The following ULK4 variants were observed in gnomAD, a reference collection of about 807,000 sequenced individuals.
ULK4 encodes the protein unc-51 like kinase 4, also known as inactive serine/threonine-protein kinase ULK4.
In ULK4, 133 loss-of-function variants were observed where a neutral mutation model predicts 160.6. The ratio of observed to expected loss-of-function variants is 0.83; its 90% confidence interval spans 0.72 to 0.96. ULK4 has a LOEUF of 0.96. Among genes scored for constraint, ULK4 ranks in the 40% least tolerant of loss-of-function variants. The pLI is 0.00. For synonymous variants in ULK4, 534 were observed against 539.8 expected (o/e 0.99, Z 0.15); for missense variants, 1,580 against 1,499.5 (o/e 1.05, Z -0.89).
chr3:41,902,678 G>GA (rs141675414), intron 12 of ULK4, among the ~76,000 whole-genome samples: 19,132 of 145,066 alleles, frequency 0.13, 1,383 homozygotes, highest in Middle Eastern at 0.28. Context: ...TTCAATTAAA[G>GA]AAAAAAAAAG....
chr3:41,391,229 T>C (rs907108921), intron 35 of ULK4, among the ~76,000 whole-genome samples: 1 of 151,966 alleles, frequency 6.6e-6, no homozygotes, highest in African/African-American at 2.4e-5. Flanking sequence ...TACAAATGAG[T>C]GTGTATGGAT....
At chr3:41,626,669 C>T (rs1234137139) in intron 30 of ULK4, among the ~76,000 whole-genome samples, 7 of 151,948 alleles carry the variant, frequency 4.6e-5, no homozygotes, top group East Asian at 1.9e-4. Flanking sequence ...GGACTACAGG[C>T]GCCCGCCACC....
chr3:41,680,208 T>C (rs1053082304), intron 29 of ULK4, among the ~76,000 whole-genome samples: 4 of 152,316 alleles, frequency 2.6e-5, no homozygotes, highest in Admixed American at 2.6e-4. Flanking sequence ...CACTCATATA[T>C]AACAAATGTA....
intron 2 of ULK4, among the ~76,000 whole-genome samples, chr3:41,948,022 C>T (rs146345684): frequency 7.7e-4 from 117 of 152,302 alleles, no homozygotes; most frequent in Middle Eastern, 3.4e-3. Flanking sequence ...CTGCCCTCAT[C>T]CTTCTTTCCC....
intron 31 of ULK4, among the ~76,000 whole-genome samples, chr3:41,591,949 G>A (rs1439621352): frequency 6.6e-6 from 1 of 152,214 alleles, no homozygotes; most frequent in Non-Finnish European, 1.5e-5. Context: ...ATGACGGATG[G>A]CAGGCAGGAT....
intron 32 of ULK4, among the ~76,000 whole-genome samples, chr3:41,559,419 T>C (rs1391157182): frequency 6.7e-6 from 1 of 148,506 alleles, no homozygotes; most frequent in East Asian, 2.0e-4. Context: ...TCAAATGGTA[T>C]TTCTAGTTCT....
intron 30 of ULK4, among the ~76,000 whole-genome samples, chr3:41,642,611 C>G (rs2034269587): frequency 6.6e-6 from 1 of 152,172 alleles, no homozygotes; most frequent in Admixed American, 6.5e-5. Context: ...TGGATCAGTT[C>G]TAAGTCTTCG....
At chr3:41,933,787 C>G (rs1418481833) in intron 4 of ULK4, among the ~76,000 whole-genome samples, 4 of 151,928 alleles carry the variant, frequency 2.6e-5, no homozygotes, top group Non-Finnish European at 5.9e-5. Context: ...TGGTGGCTCA[C>G]GCCTGTAATC....
At chr3:41,911,094 GTTGGT>G (rs940543823) in intron 11 of ULK4, among the ~76,000 whole-genome samples, 42 of 152,272 alleles carry the variant, frequency 2.8e-4, no homozygotes, top group African/African-American at 1.0e-3. Context: ...AAAAAAATAA[GTTGGT>G]TTGGTTAAAA....
At chr3:41,605,313 T>C (rs1474806502) in intron 31 of ULK4, among the ~76,000 whole-genome samples, 1 of 151,866 alleles carries the variant, frequency 6.6e-6, no homozygotes, top group African/African-American at 2.4e-5. Context: ...AAGACTAATA[T>C]TATTAGATTG....
intron 32 of ULK4, among the ~76,000 whole-genome samples, chr3:41,554,528 G>A (rs1398779625): frequency 6.6e-6 from 1 of 152,134 alleles, no homozygotes; most frequent in Non-Finnish European, 1.5e-5. Context: ...TAGAAAGTAG[G>A]ATGATAGTTA....
chr3:41,587,680 T>G (rs2030929850), intron 31 of ULK4, among the ~76,000 whole-genome samples: 1 of 152,168 alleles, frequency 6.6e-6, no homozygotes, highest in Non-Finnish European at 1.5e-5. Context: ...TAAATACTAT[T>G]TATCTTGGTA....
At chr3:41,715,613 A>G in intron 23 of ULK4, 45 bp from the exon 24 acceptor site, 1 of 1,612,062 alleles carries the variant, frequency 6.2e-7, no homozygotes, top group African/African-American at 1.3e-5. Context: ...AAAAACCACA[A>G]ATACTTAGGA....
At chr3:41,817,066 C>CTGTGTGTGTG (rs55996693) in intron 19 of ULK4, among the ~76,000 whole-genome samples, 72 of 148,878 alleles carry the variant, frequency 4.8e-4, no homozygotes, top group African/African-American at 1.8e-3. Context: ...TGTGGGGAAA[C>CTGTGTGTGTG]TGTGTGTGTG....
chr3:41,387,074 T>A (rs2081830959), intron 35 of ULK4, among the ~76,000 whole-genome samples: 1 of 152,100 alleles, frequency 6.6e-6, no homozygotes, highest in African/African-American at 2.4e-5. Context: ...TTAGGCAGTA[T>A]ATTTCTTTTT....
intron 35 of ULK4, among the ~76,000 whole-genome samples, chr3:41,270,779 C>T (rs2079125852): frequency 6.6e-6 from 1 of 152,138 alleles, no homozygotes; most frequent in Non-Finnish European, 1.5e-5. Context: ...TAAAAACCTT[C>T]CATGGAGTAA....
chr3:41,846,673 C>CA (rs2042076549), intron 17 of ULK4, among the ~76,000 whole-genome samples: 2 of 152,048 alleles, frequency 1.3e-5, no homozygotes, highest in African/African-American at 4.8e-5. Context: ...GGCATGGTGA[C>CA]ACACACCTGT....
intron 19 of ULK4, among the ~76,000 whole-genome samples, chr3:41,806,843 T>G (rs2040657991): frequency 6.6e-6 from 1 of 152,158 alleles, no homozygotes. Flanking sequence ...TCATAGTATC[T>G]CAGGCCAGGA....
chr3:41,796,360 G>GCAGACAGAT (rs2125599560), intron 20 of ULK4, among the ~76,000 whole-genome samples: 1 of 152,176 alleles, frequency 6.6e-6, no homozygotes, highest in East Asian at 1.9e-4. Flanking sequence ...GGAGGCCAAG[G>GCAGACAGAT]CAGACAGATC....
Sources: gnomAD v4.1 joint callset for allele counts (sites outside exome capture counted in the v4.1 genomes callset) on GRCh38, gnomAD v4.1.1 for gene constraint, MANE v1.5 for transcripts, NCBI Gene and HGNC (gene_info 2026-07-23, HGNC 2026-07-21) for gene names.